Variants in MNT observed in about 807,000 individuals in gnomAD.
MNT encodes the protein MAX network transcriptional repressor.
In MNT, 13 loss-of-function variants were observed where a neutral mutation model predicts 40.7. That is an observed-to-expected ratio of 0.32 (90% CI 0.21 to 0.51). MNT has a LOEUF of 0.51. MNT is among the 20% of genes least tolerant of loss of function. MNT has a pLI of 0.98. For synonymous variants in MNT, 426 were observed against 354.8 expected (o/e 1.20, Z -2.26); for missense variants, 757 against 792.0 (o/e 0.96, Z 0.53).
At chr17:2,390,531 T>G (rs372852144) in intron 4 of MNT, 2 of 152,136 alleles carry the variant, frequency 1.3e-5, no homozygotes, top group African/African-American at 4.8e-5. Context: ...TTAGGAGAGT[T>G]TGACTAATGC....
intron 1 of MNT, 97 bp downstream of exon 1, chr17:2,400,543 G>A (rs1203039511): frequency 1.1e-5 from 14 of 1,256,896 alleles, no homozygotes; most frequent in South Asian, 3.3e-5. Flanking sequence ...CAGGCCGCCC[G>A]GGAGGGGGCC....
At chr17:2,388,195 C>T (rs1026679483) in intron 4 of MNT, 146 bp from the exon 5 acceptor site, 14 of 723,990 alleles carry the variant, frequency 1.9e-5, no homozygotes, top group South Asian at 3.8e-5. Context: ...TGCTGGAGAC[C>T]GCACCTGTTG....
In MNT at chr17:2,385,891, A is replaced by G. The variant is rs2066454008; in HGVS notation, c.*1010T>C. 6.6e-6 allele frequency: 1 copy of G among 152,406 alleles called. No homozygotes were observed. The highest frequency in any genetic ancestry group is 2.4e-5 in the African/African-American group (1 of 41,478). 9.4% of individuals were successfully genotyped at this position (152,406 alleles called of 1,614,324 possible). The stretch of plus-strand genomic sequence containing the variant: ...GACCAGATGCTGGTCCATGTCTCCC[A>G]AACTGCAGGAGGCACCCAAACCCAC... On this transcript the variant is annotated 3_prime_UTR_variant, in exon 6 of 6. Transcript: ENST00000174618.
At position 2,387,888 on chromosome 17, in the gene MNT, C is replaced by T. The variant is rs1281855692; in HGVS notation, c.969G>A (p.Glu323=). 1.2e-6 allele frequency: 2 copies of T among 1,602,862 alleles called. No individual in the cohort carries two copies. Residue 323 remains glutamate, a synonymous_variant, in exon 5 of 6, where the codon GAG becomes GAA. Transcript: ENST00000174618. ...DRVLRQTGQP[E]DDQASTSTAS... ...CGGTGGAGGTGGAGGCCTGGTCATC[C>T]TCGGGCTGGCCCGTCTGCCGCAGCA... is the stretch of plus-strand genomic sequence containing the variant.
At position 2,386,803 on chromosome 17, in the gene MNT, G is replaced by T; in HGVS notation, c.*98C>A. On this transcript the variant is annotated 3_prime_UTR_variant, in exon 6 of 6. Coordinates refer to ENST00000174618, the MANE Select transcript of MNT (RefSeq NM_020310.3). ...GGCCTGGGGGTGGGTGGGGGGGCTG[G>T]CCTGGGCCTGGCTGGAATGTGTGGA... 1.5e-6 allele frequency: 2 copies of T among 1,317,740 alleles called. No individual in the cohort carries two copies. The highest frequency in any genetic ancestry group is 2.0e-6 in the Non-Finnish European group (2 of 994,354). 81.6% of individuals were successfully genotyped at this position (1,317,740 alleles called of 1,614,324 possible).
rs771759353 is a variant in MNT at position 2,394,269 on chromosome 17, G to GCA, written c.695+34_695+35dup. ...GCCGGGGCCCGGGTCGCGCGCGCAC[G>GCA]CACGCACGCACACACACACACACAC... On this transcript the variant is annotated intron_variant, in intron 3 of 5. Coordinates refer to ENST00000174618, the MANE Select transcript of MNT (RefSeq NM_020310.3). 3.8e-5 allele frequency: 56 copies of GCA among 1,490,796 alleles called. No homozygotes were observed. The East Asian group carries it at 4.0e-4, about 11-fold the overall frequency. The allele number at this position is 1,490,796 out of a possible 1,614,324, so 92.3% of individuals were successfully genotyped here. A position where few individuals can be genotyped will look rare whatever the true frequency, so the allele number is the denominator to read the frequency against.
Position 2,400,846 on chromosome 17 carries a change from C to G in MNT, c.-134G>C, listed in dbSNP as rs2066610442. The G allele has an allele frequency of 1.8e-6, 1 of 554,316 alleles. No individual in the cohort carries two copies. The highest frequency in any genetic ancestry group is 2.9e-6 in the Non-Finnish European group (1 of 339,862). The allele number at this position is 554,316 out of a possible 1,614,324, so 34.3% of individuals were successfully genotyped here. A position where few individuals can be genotyped will look rare whatever the true frequency, so the allele number is the denominator to read the frequency against. Reference sequence around the variant, plus strand: ...ACAGGGCTGGGCGGCGCAGCGCACTCCGCAGGGAAGAACGGGGGAGCACGG... The same window carrying G: ...ACAGGGCTGGGCGGCGCAGCGCACTGCGCAGGGAAGAACGGGGGAGCACGG... On this transcript the variant is annotated 5_prime_UTR_variant, in exon 1 of 6. Transcript: ENST00000174618.
intron 4 of MNT, 117 bp downstream of exon 4, chr17:2,393,925 TG>T: frequency 5.7e-6 from 3 of 523,236 alleles, no homozygotes; most frequent in Non-Finnish European, 8.9e-6. Context: ...CGCGTGGAGG[TG>T]GGAGGGAGGC....
chr17:2,384,703 C>T lies in MNT; in HGVS notation c.*2198G>A, dbSNP rs1486646034. On this transcript the variant is annotated 3_prime_UTR_variant, in exon 6 of 6. Coordinates refer to ENST00000174618, the MANE Select transcript of MNT (RefSeq NM_020310.3). ...GGACAGATGTGGTCCCGACAGCACTCTGGGGGAGACGCCCAAGGAAGGGCT... is the reference window on the plus strand; with the variant it reads ...GGACAGATGTGGTCCCGACAGCACTTTGGGGGAGACGCCCAAGGAAGGGCT... 6.6e-6 allele frequency: 1 copy of T among 152,482 alleles called. No individual in the cohort carries two copies. The highest frequency in any genetic ancestry group is 1.5e-5 in the Non-Finnish European group (1 of 68,090). 9.4% of individuals were successfully genotyped at this position (152,482 alleles called of 1,614,324 possible).
rs745622475 is a variant in MNT, at chr17:2,394,929, T to C, written c.599A>G (p.Lys200Arg). Residue 200 changes from lysine (K) to arginine (R), a missense_variant, in exon 2 of 6, where the codon AAG (lysine) becomes AGG (arginine). Coordinates refer to ENST00000174618, the MANE Select transcript of MNT (RefSeq NM_020310.3). ...QPPPPTLGTL[K>R]LAPAEEVKSS... ...TTTGACTTCTTCAGCTGGTGCCAAC[T>C]TCAGGGTCCCCAGCGTGGGTGGGGG... The C allele has an allele frequency of 8.1e-6, 13 of 1,607,308 alleles. No homozygotes were observed. The highest frequency in any genetic ancestry group is 1.1e-5 in the Non-Finnish European group (13 of 1,177,374).
chr17:2,385,834 C>G lies in MNT; in HGVS notation c.*1067G>C, dbSNP rs2066453321. 6.6e-6 allele frequency: 1 copy of G among 152,314 alleles called. No individual in the cohort carries two copies. Among genetic ancestry groups the G allele is most frequent in the Admixed American group, 6.5e-5 (1 of 15,286 alleles). The allele number at this position is 152,314 out of a possible 1,614,324, so 9.4% of individuals were successfully genotyped here. The stretch of plus-strand genomic sequence containing the variant: ...CTGGGTTTTTACCTTCCTGATGTCT[C>G]AACGATGTGGCTTCTATGCTCCTGG... On this transcript the variant is annotated 3_prime_UTR_variant, in exon 6 of 6. Transcript: ENST00000174618.
intron 1 of MNT, among the ~76,000 whole-genome samples, chr17:2,395,930 G>A (rs1597421826): frequency 2.0e-5 from 3 of 152,292 alleles, no homozygotes; most frequent in African/African-American, 7.2e-5. Context: ...CCCAGCTTCC[G>A]TGGAAGGCCT....
Position 2,395,265 on chromosome 17 carries a change from A to T in MNT, c.263T>A (p.Val88Asp). The T allele has an allele frequency of 2.0e-6, 3 of 1,476,778 alleles. No homozygotes were observed. The highest frequency in any genetic ancestry group is 2.7e-6 in the Non-Finnish European group (3 of 1,091,240). 91.5% of individuals were successfully genotyped at this position (1,476,778 alleles called of 1,614,324 possible). A position where few individuals can be genotyped will look rare whatever the true frequency, so the allele number is the denominator to read the frequency against. ...PPLATPAPLT[V>D]IPIPVVTNSP... is the part of the protein sequence containing the mutation. ...GTTGGTCACCACAGGGATAGGGATG[A>T]CAGTCAGTGGGGCAGGGGTGGCAAG... The change falls in exon 2 of 6, where the codon GTC becomes GAC. Residue 88 changes from valine to aspartate, a missense_variant. Transcript: ENST00000174618.
At chr17:2,397,446 G>A (rs540679432) in intron 1 of MNT, among the ~76,000 whole-genome samples, 1 of 152,192 alleles carries the variant, frequency 6.6e-6, no homozygotes, top group East Asian at 1.9e-4. Context: ...CTTGAGACAT[G>A]GACTCCACTC....
rs1051579348 is a variant in MNT at position 2,400,659 on chromosome 17, C to T, written c.54G>A (p.Gln18=). Residue 18 remains glutamine (Q), a synonymous_variant, in exon 1 of 6, where the codon CAG becomes CAA. Transcript: ENST00000174618. The part of the protein sequence containing the change: ...EAARFLEWQA[Q]QQQRAREEQE... ...GCTCACCACGTGCTCTCTGTTGTTG[C>T]TGCGCTTGCCATTCCAGGAAGCGGG... 2 of 1,586,584 alleles carry T rather than the reference C, an allele frequency of 1.3e-6. No homozygotes were observed. Among genetic ancestry groups the T allele is most frequent in the Non-Finnish European group, 1.7e-6 (2 of 1,169,826 alleles).
intron 5 of MNT, 96 bp from the exon 6 acceptor site, chr17:2,387,745 C>T: frequency 6.4e-7 from 1 of 1,562,392 alleles, no homozygotes; most frequent in Non-Finnish European, 8.7e-7. Context: ...TGTGATGGGG[C>T]TGGGGCCAGG....
At chr17:2,399,797 C>T (rs540898181) in intron 1 of MNT, among the ~76,000 whole-genome samples, 1 of 152,348 alleles carries the variant, frequency 6.6e-6, no homozygotes, top group East Asian at 1.9e-4. Flanking sequence ...AACGCAGGCA[C>T]ACGCAACATT....
Position 2,394,865 on chromosome 17 carries a change from C to G in MNT, c.653+10G>C, listed in dbSNP as rs1257103281. 1.3e-6 allele frequency: 2 copies of G among 1,559,934 alleles called. No individual in the cohort carries two copies. The highest frequency in any genetic ancestry group is 1.7e-6 in the Non-Finnish European group (2 of 1,152,160). ...CCCCCACCAGCCCGACCCCGCCACA[C>G]CCCACTCACCCCCCGGGCCTCTTCT... is the stretch of plus-strand genomic sequence containing the variant. On this transcript the variant is annotated intron_variant, in intron 2 of 5. Coordinates refer to ENST00000174618, the MANE Select transcript of MNT (RefSeq NM_020310.3).
Position 2,387,354 on chromosome 17 carries a change from C to T in MNT, c.1296G>A (p.Ala432=), listed in dbSNP as rs1168174397. 1.5e-5 allele frequency: 24 copies of T among 1,612,296 alleles called. No individual in the cohort carries two copies. Among genetic ancestry groups the T allele is most frequent in the Middle Eastern group, 1.7e-4 (1 of 6,050 alleles). ...TGACCGTGGAGCCACCCCCAGCCGT[C>T]GCCACCAGATGGGCTGGAGCTGGCA... The part of the protein sequence containing the change: ...TLVPAPAHLV[A]TAGGGSTVIA... The change falls in exon 6 of 6, where the codon GCG becomes GCA. Residue 432 remains alanine (A), a synonymous_variant. Transcript: ENST00000174618.
Sources: gnomAD v4.1 joint callset for allele counts (sites outside exome capture counted in the v4.1 genomes callset) on GRCh38, gnomAD v4.1.1 for gene constraint, MANE v1.5 for transcripts, NCBI Gene and HGNC (gene_info 2026-07-23, HGNC 2026-07-21) for gene names.